ZDHHC14: variants seen among roughly 807,000 people sequenced by gnomAD.
ZDHHC14 encodes the protein zDHHC palmitoyltransferase 14.
A neutral mutation model predicts 47.7 loss-of-function variants in ZDHHC14; 16 were observed. The observed-to-expected ratio is 0.34, with a 90% confidence interval of 0.23 to 0.51. The LOEUF (loss-of-function observed/expected upper bound fraction) is 0.51. ZDHHC14 is among the 20% of genes least tolerant of loss of function. ZDHHC14 has a pLI of 0.97. For synonymous variants in ZDHHC14, 293 were observed against 278.9 expected, an observed-to-expected ratio of 1.05 and a Z score of -0.50; for missense variants, 515 against 662.5, an observed-to-expected ratio of 0.78 and a Z score of 2.44.
chr6:157,667,714 G>A (rs951396709), intron 8 of ZDHHC14, among the ~76,000 whole-genome samples: 68 of 152,142 alleles, frequency 4.5e-4, no homozygotes, highest in African/African-American at 1.6e-3. Context: ...TTTCTCAAAT[G>A]AGAATCACAG....
chr6:157,523,840 G>A (rs1582885550), intron 1 of ZDHHC14, among the ~76,000 whole-genome samples: 1 of 152,178 alleles, frequency 6.6e-6, no homozygotes, highest in Non-Finnish European at 1.5e-5. Context: ...AATGGGGGCT[G>A]CAGTGGGCCG....
chr6:157,495,695 ATTTTT>A (rs71027341), intron 1 of ZDHHC14, among the ~76,000 whole-genome samples: 4 of 104,348 alleles, frequency 3.8e-5, no homozygotes, highest in Non-Finnish European at 7.6e-5. Flanking sequence ...TTCGGGTTGA[ATTTTT>A]TTTTTTTTTT....
chr6:157,492,790 T>A (rs1583704504), intron 1 of ZDHHC14, among the ~76,000 whole-genome samples: 1 of 151,640 alleles, frequency 6.6e-6, no homozygotes, highest in South Asian at 2.1e-4. Context: ...AGGAGCAGGG[T>A]GATTTTAGAA....
chr6:157,514,564 T>A (rs540069062), intron 1 of ZDHHC14, among the ~76,000 whole-genome samples: 27 of 152,352 alleles, frequency 1.8e-4, no homozygotes, highest in South Asian at 1.7e-3. Flanking sequence ...CCCAATCTAG[T>A]ACTTCAGTTT....
intron 3 of ZDHHC14, among the ~76,000 whole-genome samples, chr6:157,594,996 C>G (rs1784063920): frequency 6.6e-6 from 1 of 152,074 alleles, no homozygotes; most frequent in Non-Finnish European, 1.5e-5. Flanking sequence ...ATGCCTTCTC[C>G]TGGAGGTCTA....
chr6:157,542,621 C>A lies in ZDHHC14; in HGVS notation c.282C>A (p.Ile94=). ...TGGCGGTGAAAATCACCCCTGCCAT[C>A]CCTGCAGTCGCTGGCATCCTGTTCT... is the stretch of plus-strand genomic sequence containing the variant. ...PYLAVKITPA[I]PAVAGILFFF... The change falls in exon 2 of 9, where the codon ATC becomes ATA. Residue 94 remains isoleucine (I), a synonymous_variant. Transcript: ENST00000359775. The A allele has an allele frequency of 6.2e-7, 1 of 1,614,210 alleles. No homozygotes were observed. The highest frequency in any genetic ancestry group is 1.1e-5 in the South Asian group (1 of 91,070).
At chr6:157,431,952 C>T (rs971007173) in intron 1 of ZDHHC14, among the ~76,000 whole-genome samples, 2 of 152,078 alleles carry the variant, frequency 1.3e-5, no homozygotes, top group Non-Finnish European at 2.9e-5. Flanking sequence ...TGGTCTTGAA[C>T]TTCTGGGCTC....
intron 1 of ZDHHC14, among the ~76,000 whole-genome samples, chr6:157,401,741 ACC>A: frequency 7.0e-6 from 1 of 142,948 alleles, no homozygotes; most frequent in East Asian, 2.1e-4. Flanking sequence ...TGCTGAGGTC[ACC>A]CTGCAGTAGT....
At chr6:157,392,759 A>G (rs2800438) in intron 1 of ZDHHC14, among the ~76,000 whole-genome samples, 131,337 of 152,104 alleles carry the variant, frequency 0.86, 56,836 homozygotes, top group Middle Eastern at 0.94. Context: ...CCTCCTTGTC[A>G]CTTCATAGCT....
At chr6:157,598,478 G>A (rs1784217343) in intron 3 of ZDHHC14, among the ~76,000 whole-genome samples, 1 of 152,084 alleles carries the variant, frequency 6.6e-6, no homozygotes, top group African/African-American at 2.4e-5. Flanking sequence ...GAAAATATGA[G>A]CCAGTCCCCA....
At chr6:157,416,297 T>A (rs1286670780) in intron 1 of ZDHHC14, among the ~76,000 whole-genome samples, 1 of 152,224 alleles carries the variant, frequency 6.6e-6, no homozygotes, top group Non-Finnish European at 1.5e-5. Context: ...TATATATATT[T>A]GCCATTTGAA....
intron 2 of ZDHHC14, among the ~76,000 whole-genome samples, chr6:157,561,131 C>T (rs1014840507): frequency 1.3e-5 from 2 of 152,200 alleles, no homozygotes; most frequent in South Asian, 2.1e-4. Context: ...TATTGGAAAT[C>T]GCCTCAGAGA....
rs1167544584 is a variant in ZDHHC14, at chr6:157,675,368, G to T, written c.*2246G>T. The stretch of plus-strand genomic sequence containing the variant: ...CAGAAGCCAGGATCACGACTCACTT[G>T]TCTTCACATAATGGATATTTACTTA... On this transcript the variant is annotated 3_prime_UTR_variant, in exon 9 of 9. Transcript: ENST00000359775. 2 of 152,162 alleles carry T rather than the reference G, an allele frequency of 1.3e-5. No individual in the cohort carries two copies. The highest frequency in any genetic ancestry group is 2.9e-5 in the Non-Finnish European group (2 of 68,048). The allele number at this position is 152,162 out of a possible 1,614,324, so 9.4% of individuals were successfully genotyped here.
intron 1 of ZDHHC14, among the ~76,000 whole-genome samples, chr6:157,388,213 A>G (rs774313163): frequency 1.3e-5 from 2 of 152,178 alleles, no homozygotes; most frequent in Non-Finnish European, 2.9e-5. Flanking sequence ...CACTTTGGAC[A>G]CTTGAATTTT....
chr6:157,497,006 A>C (rs149116440), intron 1 of ZDHHC14, among the ~76,000 whole-genome samples: 1,778 of 152,264 alleles, frequency 0.012, 18 homozygotes, highest in Non-Finnish European at 0.019. Flanking sequence ...CAAAGCCAAG[A>C]TCCAGGCCAG....
intron 2 of ZDHHC14, among the ~76,000 whole-genome samples, chr6:157,555,866 C>T (rs1782437004): frequency 6.6e-6 from 1 of 152,184 alleles, no homozygotes; most frequent in South Asian, 2.1e-4. Context: ...CACAAAGTCA[C>T]CCCCAGTAGA....
At chr6:157,563,325 C>T (rs771556480) in intron 2 of ZDHHC14, among the ~76,000 whole-genome samples, 1 of 152,226 alleles carries the variant, frequency 6.6e-6, no homozygotes, top group Non-Finnish European at 1.5e-5. Flanking sequence ...TGCCTCTTCC[C>T]CAGCTCCAAG....
At chr6:157,407,310 C>G (rs1777783882) in intron 1 of ZDHHC14, among the ~76,000 whole-genome samples, 2 of 152,310 alleles carry the variant, frequency 1.3e-5, no homozygotes, top group Middle Eastern at 3.4e-3. Context: ...CTGCCGTCCC[C>G]TTTCCTACAT....
chr6:157,423,198 T>C (rs758205344), intron 1 of ZDHHC14, among the ~76,000 whole-genome samples: 1 of 152,176 alleles, frequency 6.6e-6, no homozygotes, highest in Admixed American at 6.5e-5. Context: ...TTCATGTGAC[T>C]TTAGGCCTTA....
Sources: gnomAD v4.1 joint callset for allele counts (sites outside exome capture counted in the v4.1 genomes callset) on GRCh38, gnomAD v4.1.1 for gene constraint, MANE v1.5 for transcripts, NCBI Gene and HGNC (gene_info 2026-07-23, HGNC 2026-07-21) for gene names.